Variants in ATG4C observed in about 807,000 individuals in gnomAD.
ATG4C encodes cysteine protease ATG4C.
ATG4C carries 56 observed loss-of-function variants against 57.6 expected under a neutral mutation model. The ratio of observed to expected loss-of-function variants is 0.97; its 90% CI spans 0.78 to 1.21. ATG4C has a LOEUF of 1.21. Among genes scored for constraint, ATG4C ranks in the 50% most tolerant of loss-of-function variants. ATG4C has a pLI of 0.00. For missense variants in ATG4C, 595 were observed against 529.8 expected, an observed-to-expected ratio of 1.12 and a Z score of -1.21; for synonymous variants, 157 against 174.1, an observed-to-expected ratio of 0.90 and a Z score of 0.78.
At chr1:62,829,308 C>A in intron 7 of ATG4C, 132 bp downstream of exon 7, 1 of 1,041,376 alleles carries the variant, frequency 9.6e-7, no homozygotes, top group Non-Finnish European at 1.4e-6. Context: ...TAAAGTTTGA[C>A]ATTAGAGATT....
At chr1:62,819,441 G>T in intron 5 of ATG4C, 106 bp downstream of exon 5, 1 of 840,450 alleles carries the variant, frequency 1.2e-6, no homozygotes, top group South Asian at 3.0e-5. Flanking sequence ...AAGTCTAACT[G>T]TATGAGAATG....
intron 10 of ATG4C, among the ~76,000 whole-genome samples, chr1:62,859,140 T>A (rs1194906376): frequency 6.6e-6 from 1 of 152,132 alleles, no homozygotes; most frequent in Non-Finnish European, 1.5e-5. Context: ...ATTCAAAACA[T>A]TTTGAGTGCT....
intron 7 of ATG4C, among the ~76,000 whole-genome samples, chr1:62,833,242 T>C (rs1665897170): frequency 6.6e-6 from 1 of 152,276 alleles, no homozygotes; most frequent in East Asian, 1.9e-4. Flanking sequence ...CTATACTTTA[T>C]CATTATTAGT....
At chr1:62,825,639 T>G (rs1665626193) in intron 6 of ATG4C, among the ~76,000 whole-genome samples, 2 of 152,184 alleles carry the variant, frequency 1.3e-5, no homozygotes, top group Non-Finnish European at 1.5e-5. Context: ...ACTCCCAAAT[T>G]GATAGGTCCA....
At chr1:62,863,527 G>A (rs1483996440) in intron 10 of ATG4C, among the ~76,000 whole-genome samples, 1 of 151,878 alleles carries the variant, frequency 6.6e-6, no homozygotes, top group Non-Finnish European at 1.5e-5. Context: ...TGTGTCCAAG[G>A]TCACATCAAG....
At chr1:62,832,986 A>C (rs2366824) in intron 7 of ATG4C, among the ~76,000 whole-genome samples, 1,884 of 152,292 alleles carry the variant, frequency 0.012, 35 homozygotes, top group African/African-American at 0.043. Flanking sequence ...TAATGTAGAC[A>C]GATGTTAAGA....
chr1:62,848,830 C>G (rs370222841), intron 10 of ATG4C, among the ~76,000 whole-genome samples: 1 of 152,182 alleles, frequency 6.6e-6, no homozygotes, highest in Admixed American at 6.5e-5. Context: ...ACAATAATAC[C>G]TTACATTTAT....
intron 4 of ATG4C, among the ~76,000 whole-genome samples, chr1:62,817,540 T>C (rs1328375045): frequency 3.3e-5 from 5 of 152,118 alleles, no homozygotes; most frequent in African/African-American, 1.2e-4. Context: ...AGAGATGTGG[T>C]CTCACTATGT....
intron 7 of ATG4C, 119 bp from the exon 8 acceptor site, chr1:62,833,919 A>G: frequency 2.5e-6 from 2 of 796,272 alleles, no homozygotes; most frequent in Non-Finnish European, 4.0e-6. Context: ...CAAATGTAAT[A>G]TAAATGATAA....
At chr1:62,815,960 C>T (rs1214882487) in intron 3 of ATG4C, among the ~76,000 whole-genome samples, 1 of 152,070 alleles carries the variant, frequency 6.6e-6, no homozygotes, top group East Asian at 1.9e-4. Context: ...GCTGAGATTA[C>T]AGGCGTGAGC....
At chr1:62,803,321 A>G (rs189886468) in intron 1 of ATG4C, among the ~76,000 whole-genome samples, 145 of 152,294 alleles carry the variant, frequency 9.5e-4, no homozygotes, top group African/African-American at 2.9e-3. Flanking sequence ...ATTTTTTATA[A>G]GATTTCAAAT....
intron 1 of ATG4C, among the ~76,000 whole-genome samples, chr1:62,788,746 T>C (rs1383567559): frequency 1.3e-5 from 2 of 152,244 alleles, no homozygotes; most frequent in African/African-American, 4.8e-5. Context: ...GTCTATTTTA[T>C]CTAGAACAGT....
intron 1 of ATG4C, among the ~76,000 whole-genome samples, chr1:62,793,177 C>T (rs1205383565): frequency 2.6e-5 from 4 of 151,952 alleles, no homozygotes; most frequent in South Asian, 2.1e-4. Flanking sequence ...TGAGCCACCG[C>T]GCCCGGCCAT....
At chr1:62,787,257 C>G (rs1392816535) in intron 1 of ATG4C, among the ~76,000 whole-genome samples, 1 of 151,922 alleles carries the variant, frequency 6.6e-6, no homozygotes, top group Non-Finnish European at 1.5e-5. Flanking sequence ...TTTTTGGTAT[C>G]ATTTTTTCTT....
chr1:62,805,145 T>A, intron 2 of ATG4C, 27 bp from the exon 3 acceptor site: 1 of 1,517,252 alleles, frequency 6.6e-7, no homozygotes, highest in Non-Finnish European at 8.7e-7. Flanking sequence ...ACAAAACGTT[T>A]TCTTTTCTTT....
chr1:62,788,893 A>G (rs1291831200), intron 1 of ATG4C, among the ~76,000 whole-genome samples: 2 of 149,832 alleles, frequency 1.3e-5, no homozygotes, highest in South Asian at 4.2e-4. Context: ...TTTTTTTACT[A>G]TTACATGGGT....
At chr1:62,788,540 A>G (rs1407032494) in intron 1 of ATG4C, among the ~76,000 whole-genome samples, 6 of 152,104 alleles carry the variant, frequency 3.9e-5, no homozygotes, top group Non-Finnish European at 8.8e-5. Context: ...TGCATCTCCT[A>G]AGAACTAGCA....
At chr1:62,792,116 C>G (rs758919956) in intron 1 of ATG4C, among the ~76,000 whole-genome samples, 1 of 152,102 alleles carries the variant, frequency 6.6e-6, no homozygotes, top group Non-Finnish European at 1.5e-5. Context: ...TCTGCCTCAG[C>G]CTCCTGAGTA....
chr1:62,860,642 C>T (rs887092959), intron 10 of ATG4C, among the ~76,000 whole-genome samples: 57 of 152,198 alleles, frequency 3.7e-4, no homozygotes, highest in African/African-American at 1.3e-3. Context: ...AACAGTGTTA[C>T]ATCCACAAGA....
Sources: gnomAD v4.1 joint callset for allele counts (sites outside exome capture counted in the v4.1 genomes callset) on GRCh38, gnomAD v4.1.1 for gene constraint, MANE v1.5 for transcripts, NCBI Gene and HGNC (gene_info 2026-07-23, HGNC 2026-07-21) for gene names.